The following MSTO1 variants were observed in gnomAD, a reference collection of about 807,000 sequenced individuals.
The protein encoded by MSTO1 is protein misato homolog 1.
Under a neutral mutation model 55.7 loss-of-function variants are expected in MSTO1, and 24 were observed. The ratio of observed to expected loss-of-function variants is 0.43; its 90% CI spans 0.31 to 0.61. The LOEUF is 0.61. Ranked by LOEUF, MSTO1 falls within the 20% of genes least tolerant of loss-of-function variation. MSTO1 has a pLI of 0.09. For missense variants in MSTO1, 363 were observed against 625.7 expected (o/e 0.58, Z 4.48); for synonymous variants, 162 against 252.8 (o/e 0.64, Z 3.41).
the MSTO1 span, among the ~76,000 whole-genome samples, chr1:155,583,756 A>C: frequency 6.6e-6 from 1 of 152,242 alleles, no homozygotes; most frequent in African/African-American, 2.4e-5. Flanking sequence ...ACGCCTATGG[A>C]AAGAAGGGCA....
the MSTO1 span, among the ~76,000 whole-genome samples, chr1:155,571,048 G>A: frequency 4.6e-5 from 7 of 152,146 alleles, no homozygotes; most frequent in East Asian, 7.7e-4. Flanking sequence ...GAGGTTGGCC[G>A]GACACAATGC....
the MSTO1 span, among the ~76,000 whole-genome samples, chr1:155,587,221 C>A: frequency 6.6e-6 from 1 of 151,976 alleles, no homozygotes; most frequent in Non-Finnish European, 1.5e-5. Context: ...GCGGGAGGAT[C>A]ACCTGAGGTA....
the MSTO1 span, among the ~76,000 whole-genome samples, chr1:155,603,307 G>C: frequency 2.6e-5 from 4 of 152,132 alleles, no homozygotes; most frequent in African/African-American, 9.7e-5. Context: ...TGAGGCAGGA[G>C]AATCACTTGA....
chr1:155,566,517 T>C, the MSTO1 span, among the ~76,000 whole-genome samples: 1 of 152,044 alleles, frequency 6.6e-6, no homozygotes, highest in South Asian at 2.1e-4. Context: ...GTCCAGGAGT[T>C]TGAGGCTACC....
intron 11 of MSTO1, 100 bp downstream of exon 11, chr1:155,613,333 C>A: frequency 6.4e-7 from 1 of 1,571,780 alleles, no homozygotes; most frequent in Admixed American, 1.9e-5. Context: ...GTTCCCTCCC[C>A]ACCCCTTAAA....
chr1:155,606,685 A>G (rs1464620168), upstream of MSTO1, among the ~76,000 whole-genome samples: 1 of 150,318 alleles, frequency 6.7e-6, no homozygotes, highest in Non-Finnish European at 1.5e-5. Context: ...GAGCCATCGT[A>G]CCCAGCCTTT....
At chr1:155,580,783 G>A in the MSTO1 span, among the ~76,000 whole-genome samples, 1 of 151,634 alleles carries the variant, frequency 6.6e-6, no homozygotes, top group Non-Finnish European at 1.5e-5. Flanking sequence ...GCCAAGTGTG[G>A]TGGCATGCAT....
the MSTO1 span, among the ~76,000 whole-genome samples, chr1:155,571,802 C>T: frequency 1.3e-5 from 2 of 152,108 alleles, no homozygotes; most frequent in African/African-American, 4.8e-5. Context: ...AATCCCAGCA[C>T]TTTGGGAGGC....
the MSTO1 span, among the ~76,000 whole-genome samples, chr1:155,593,070 C>T: frequency 2.0e-5 from 3 of 152,086 alleles, no homozygotes; most frequent in East Asian, 3.9e-4. Flanking sequence ...CAACACCACA[C>T]CTGGCTAATT....
chr1:155,580,268 G>A, the MSTO1 span, among the ~76,000 whole-genome samples: 1 of 150,742 alleles, frequency 6.6e-6, no homozygotes, highest in Admixed American at 6.6e-5. Flanking sequence ...GCTCACACCC[G>A]TAATCCCAGC....
At chr1:155,604,580 T>C in the MSTO1 span, among the ~76,000 whole-genome samples, 1 of 152,186 alleles carries the variant, frequency 6.6e-6, no homozygotes, top group East Asian at 1.9e-4. Context: ...TTTTGTACGT[T>C]GAAAATACTG....
chr1:155,578,581 G>A, the MSTO1 span, among the ~76,000 whole-genome samples: 1 of 146,806 alleles, frequency 6.8e-6, no homozygotes, highest in Admixed American at 6.8e-5. Flanking sequence ...CACAATCTCG[G>A]CTCACTGCAA....
At chr1:155,609,391 G>T (rs1482542200), upstream of MSTO1, among the ~76,000 whole-genome samples, 9 of 150,654 alleles carry the variant, frequency 6.0e-5, no homozygotes, top group Non-Finnish European at 1.3e-4. Flanking sequence ...GACTACAGGC[G>T]CCCGCCACCA....
chr1:155,613,486 A>G lies in MSTO1; in HGVS notation c.1308A>G (p.Pro436=). 1 of 1,613,856 alleles carries G rather than the reference A, an allele frequency of 6.2e-7. No individual in the cohort carries two copies. The highest frequency in any genetic ancestry group is 2.2e-5 in the East Asian group (1 of 44,864). Residue 436 remains proline (P), a synonymous_variant, in exon 12 of 14, where the codon CCA becomes CCG. Coordinates refer to ENST00000245564, the MANE Select transcript of MSTO1 (RefSeq NM_018116.4). ...GCCAGCTCACCCCAGGGACACCTCC[A>G]CCCTCTGCCCTTCATGCATGTACCA... ...HTSQLTPGTP[P]PSALHACTTG... is the part of the protein sequence containing the mutation.
chr1:155,583,689 G>A, the MSTO1 span, among the ~76,000 whole-genome samples: 1,840 of 152,210 alleles, frequency 0.012, 38 homozygotes, highest in African/African-American at 0.04. Context: ...CGTTCTGACC[G>A]TCATTTCTCA....
chr1:155,600,395 A>G, the MSTO1 span, among the ~76,000 whole-genome samples: 1 of 152,216 alleles, frequency 6.6e-6, no homozygotes, highest in South Asian at 2.1e-4. Context: ...AGATTAACAG[A>G]ATCTCAAGGC....
chr1:155,612,767 TCTG>T, intron 9 of MSTO1, 74 bp from the exon 10 acceptor site: 1 of 1,574,082 alleles, frequency 6.4e-7, no homozygotes, highest in Non-Finnish European at 8.7e-7. Flanking sequence ...CCTGGGTCTC[TCTG>T]GTGTTAATAT....
At position 155,612,466 on chromosome 1, in the gene MSTO1, G is replaced by A. The variant is rs137896859; in HGVS notation, c.862G>A (p.Val288Met). The change falls in exon 9 of 14, where the codon GTG (valine) becomes ATG (methionine). Residue 288 changes from valine (V) to methionine (M), a missense_variant. Val to Met is a conservative substitution (Grantham distance 21). This residue lies in a region of MSTO1 where 231 missense variants were observed against 286.9 expected (regional missense o/e 0.81). Coordinates refer to ENST00000245564, the MANE Select transcript of MSTO1 (RefSeq NM_018116.4). Reference sequence around the variant, plus strand: ...TCTATTAAACACAGCTTTTGGTCTCGTGCACCTGACTGCTCACAGCTCTCT... The same window carrying A: ...TCTATTAAACACAGCTTTTGGTCTCATGCACCTGACTGCTCACAGCTCTCT... The part of the protein sequence containing the change: ...YRLLNTAFGL[V>M]HLTAHSSLVC... 1,532 of 1,614,006 alleles carry A rather than the reference G, an allele frequency of 9.5e-4. 3 individuals carry two copies. The highest frequency in any genetic ancestry group is 2.5e-3 in the Middle Eastern group (15 of 6,052).
At chr1:155,578,577 C>G in the MSTO1 span, among the ~76,000 whole-genome samples, 1 of 138,556 alleles carries the variant, frequency 7.2e-6, no homozygotes, top group African/African-American at 2.7e-5. Context: ...GTGGCACAAT[C>G]TCGGCTCACT....
Sources: gnomAD v4.1 joint callset for allele counts (sites outside exome capture counted in the v4.1 genomes callset) on GRCh38, gnomAD v4.1.1 for gene constraint, gnomAD v4.1.1 regional missense constraint, MANE v1.5 for transcripts, NCBI Gene and HGNC (gene_info 2026-07-23, HGNC 2026-07-21) for gene names.